PARP8: variants seen among roughly 807,000 people sequenced by gnomAD.
PARP8 encodes the protein poly(ADP-ribose) polymerase family member 8.
In PARP8, 51 loss-of-function variants were observed where a neutral mutation model predicts 124.1. That is an observed-to-expected ratio of 0.41 (90% CI 0.33 to 0.52). The LOEUF is 0.52. Among genes scored for constraint, PARP8 ranks in the 20% least tolerant of loss-of-function variants. The probability of loss-of-function intolerance (pLI) is 0.21; values close to 1 mark genes in which losing one functional copy is unlikely to be tolerated. For synonymous variants in PARP8, 391 were observed against 361.5 expected, an observed-to-expected ratio of 1.08 and a Z score of -0.93; for missense variants, 860 against 1,018.9, an observed-to-expected ratio of 0.84 and a Z score of 2.12.
At chr5:50,763,085 GGT>G (rs1760720861) in intron 6 of PARP8, 61 bp from the exon 7 acceptor site, 1 of 1,288,254 alleles carries the variant, frequency 7.8e-7, no homozygotes, top group Non-Finnish European at 1.1e-6. Context: ...TGTCTCAAAA[GGT>G]TGCTTAAGTT....
At chr5:50,710,468 CT>C (rs913469452) in intron 2 of PARP8, among the ~76,000 whole-genome samples, 6 of 151,858 alleles carry the variant, frequency 4.0e-5, no homozygotes, top group African/African-American at 1.5e-4. Flanking sequence ...TTATTTATAT[CT>C]TTTTTTATTT....
At chr5:50,837,988 G>A (rs537741006) in intron 25 of PARP8, among the ~76,000 whole-genome samples, 72 of 151,598 alleles carry the variant, frequency 4.7e-4, no homozygotes, top group Non-Finnish European at 8.1e-4. Flanking sequence ...AAACGCATGT[G>A]TACTAGGACA....
chr5:50,706,580 GTAGT>G (rs1754170655), intron 2 of PARP8, among the ~76,000 whole-genome samples: 1 of 151,924 alleles, frequency 6.6e-6, no homozygotes, highest in South Asian at 2.1e-4. Flanking sequence ...ATCATTTTGG[GTAGT>G]TATTTATTTT....
intron 15 of PARP8, among the ~76,000 whole-genome samples, chr5:50,820,150 G>A (rs1745596030): frequency 1.3e-5 from 2 of 152,154 alleles, no homozygotes; most frequent in South Asian, 4.1e-4. Flanking sequence ...CTATGATTGG[G>A]TGGGTGTGTT....
chr5:50,756,772 C>T (rs1022521597), intron 3 of PARP8, among the ~76,000 whole-genome samples: 10 of 152,094 alleles, frequency 6.6e-5, no homozygotes, highest in Non-Finnish European at 1.2e-4. Context: ...GGTCCCAGAA[C>T]GTGTTCATTT....
Position 50,841,992 on chromosome 5 carries a change from C to G in PARP8, c.2489C>G (p.Ala830Gly). Reference protein sequence around the residue: ...FVYEDGQVGDANINTQEGGIH... With the variant: ...FVYEDGQVGDGNINTQEGGIH... ...TATGAAGACGGCCAAGTGGGAGATG[C>G]AAATATTAATACACAAGAAGGAGGC... The change falls in exon 26 of 26, where the codon GCA (alanine) becomes GGA (glycine). Residue 830 changes from alanine (A) to glycine (G), a missense_variant. Physicochemically the swap from Ala to Gly is moderately conservative, Grantham distance 60. This residue lies in a region of PARP8 where 343 missense variants were observed against 474.7 expected (regional missense o/e 0.72). Transcript: ENST00000281631. 1.2e-6 allele frequency: 2 copies of G among 1,600,924 alleles called. No individual in the cohort carries two copies. The highest frequency in any genetic ancestry group is 8.5e-7 in the Non-Finnish European group (1 of 1,173,534).
At chr5:50,689,827 A>G (rs1752302266) in intron 2 of PARP8, among the ~76,000 whole-genome samples, 1 of 152,180 alleles carries the variant, frequency 6.6e-6, no homozygotes, top group Admixed American at 6.5e-5. Flanking sequence ...CATAGGTCCC[A>G]CCATGCACCT....
intron 2 of PARP8, among the ~76,000 whole-genome samples, chr5:50,722,987 G>C (rs182516416): frequency 6.6e-6 from 1 of 152,220 alleles, no homozygotes; most frequent in East Asian, 1.9e-4. Context: ...ATAGTTATCA[G>C]ATGCCATTTG....
intron 14 of PARP8, among the ~76,000 whole-genome samples, chr5:50,809,997 C>G (rs1744260645): frequency 6.6e-6 from 1 of 151,966 alleles, no homozygotes; most frequent in African/African-American, 2.4e-5. Flanking sequence ...GGGCTTAATA[C>G]ATTTTTTGAA....
intron 14 of PARP8, among the ~76,000 whole-genome samples, chr5:50,804,141 GC>G (rs1312453980): frequency 6.6e-6 from 1 of 152,056 alleles, no homozygotes; most frequent in Non-Finnish European, 1.5e-5. Context: ...TTTCTTCTAA[GC>G]TTTTTGATTA....
At chr5:50,714,072 T>TTTTC (rs535488020) in intron 2 of PARP8, among the ~76,000 whole-genome samples, 3 of 151,486 alleles carry the variant, frequency 2.0e-5, no homozygotes, top group Non-Finnish European at 4.4e-5. Context: ...TTTTCTTTTC[T>TTTTC]TTTCTTTCTT....
chr5:50,772,435 C>T (rs756240863), intron 7 of PARP8, among the ~76,000 whole-genome samples: 5 of 152,186 alleles, frequency 3.3e-5, no homozygotes, highest in Non-Finnish European at 1.5e-5. Flanking sequence ...CATACATTTT[C>T]CATAATGGCT....
chr5:50,795,552 A>G, intron 12 of PARP8, 135 bp downstream of exon 12: 1 of 732,580 alleles, frequency 1.4e-6, no homozygotes, highest in Non-Finnish European at 2.1e-6. Flanking sequence ...ATCTTTTTGG[A>G]TATTGTTTTG....
intron 2 of PARP8, among the ~76,000 whole-genome samples, chr5:50,674,387 T>A (rs1246522912): frequency 6.6e-6 from 1 of 152,238 alleles, no homozygotes; most frequent in Non-Finnish European, 1.5e-5. Flanking sequence ...GAAACACTGT[T>A]GGCCTCTTCA....
At chr5:50,824,436 T>C (rs1288018188) in intron 17 of PARP8, among the ~76,000 whole-genome samples, 2 of 152,094 alleles carry the variant, frequency 1.3e-5, no homozygotes, top group South Asian at 2.1e-4. Context: ...CAAAAGGCGC[T>C]ACAAGTAAGT....
intron 14 of PARP8, among the ~76,000 whole-genome samples, chr5:50,811,830 C>A (rs1400894921): frequency 1.3e-5 from 2 of 152,138 alleles, no homozygotes; most frequent in South Asian, 4.1e-4. Context: ...TGAGTGAGAA[C>A]ACGCGGTGTT....
Position 50,765,879 on chromosome 5 carries a change from A to G in PARP8, c.518+2637A>G, listed in dbSNP as rs143699718. ...AAAGTTCTAAGTCTGTTGAAAACAG[A>G]CTGTTCTAATTAGCTGTTCTTTTAC... On this transcript the variant is annotated intron_variant, in intron 7 of 25. Coordinates refer to ENST00000281631, the MANE Select transcript of PARP8 (RefSeq NM_024615.4). 1.3e-3 allele frequency among the ~76,000 whole-genome samples: 197 copies of G among 152,314 alleles called. 1 individual carries two copies. The highest frequency in any genetic ancestry group is 4.5e-3 in the African/African-American group (189 of 41,566).
chr5:50,767,828 A>G (rs1429864442), intron 7 of PARP8, among the ~76,000 whole-genome samples: 1 of 152,248 alleles, frequency 6.6e-6, no homozygotes, highest in African/African-American at 2.4e-5. Context: ...ATGCAGAGAT[A>G]GACATGCAAG....
chr5:50,798,063 T>C lies in PARP8; in HGVS notation c.1575+830T>C, dbSNP rs1742755526. Among the ~76,000 whole-genome samples, 5 of 152,250 alleles carry C rather than the reference T, an allele frequency of 3.3e-5. No homozygotes were observed. The South Asian group carries it at 8.3e-4, about 25-fold the overall frequency. On this transcript the variant is annotated intron_variant, in intron 14 of 25. Transcript: ENST00000281631. ...ATTTGATATGAATGGAATTGTACAG[T>C]ATGTGGGCTTTTGTTTCTGACTTCT... is the stretch of plus-strand genomic sequence containing the variant.
Sources: allele counts gnomAD v4.1 joint callset (sites outside exome capture counted in the v4.1 genomes callset), GRCh38; gene constraint gnomAD v4.1.1; regional missense constraint gnomAD v4.1.1; transcripts MANE v1.5; gene names NCBI Gene and HGNC (gene_info 2026-07-23, HGNC 2026-07-21).